MORC3: variants seen among roughly 807,000 people sequenced by gnomAD.
The protein encoded by MORC3 is MORC family CW-type zinc finger 3.
Under a neutral mutation model 109.1 loss-of-function variants are expected in MORC3, and 31 were observed. That is an observed-to-expected ratio of 0.28 (90% CI 0.21 to 0.38). The LOEUF (loss-of-function observed/expected upper bound fraction) is 0.38, where lower values mean the gene tolerates loss of function less well. Ranked by LOEUF, MORC3 falls within the 10% of genes least tolerant of loss-of-function variation. The pLI is 1.00. For missense variants in MORC3, 867 were observed against 1,135.8 expected, an observed-to-expected ratio of 0.76 and a Z score of 3.40; for synonymous variants, 395 against 380.7, an observed-to-expected ratio of 1.04 and a Z score of -0.44.
At position 36,356,635 on chromosome 21, in the gene MORC3, A is replaced by G. The variant is rs2085648808; in HGVS notation, c.1119A>G (p.Ala373=). The part of the protein sequence containing the change: ...YTNEYRLTIT[A]LGEKLNDYWN... Reference sequence around the variant, plus strand: ...ACTTTTTAAGACTTACAATAACAGCACTAGGAGAAAAGCTGAATGATTACT... The same window carrying G: ...ACTTTTTAAGACTTACAATAACAGCGCTAGGAGAAAAGCTGAATGATTACT... Residue 373 remains alanine, a synonymous_variant, in exon 10 of 17, where the codon GCA becomes GCG. Transcript: ENST00000400485. The G allele has an allele frequency of 6.3e-7, 1 of 1,596,946 alleles. No homozygotes were observed. Among genetic ancestry groups the G allele is most frequent in the Non-Finnish European group, 8.5e-7 (1 of 1,173,498 alleles).
chr21:36,354,752 CTAA>C (rs2085625999), intron 9 of MORC3, among the ~76,000 whole-genome samples: 1 of 152,208 alleles, frequency 6.6e-6, no homozygotes, highest in South Asian at 2.1e-4. Context: ...TCTGGATTGT[CTAA>C]TGTCAGTTTG....
At position 36,324,278 on chromosome 21, in the gene MORC3, G is replaced by GT. The variant is rs56818491; in HGVS notation, c.39+3989dup. Among the ~76,000 whole-genome samples, 1,225 of 143,116 alleles carry GT rather than the reference G, an allele frequency of 8.6e-3. 2 individuals carry two copies. Among genetic ancestry groups the GT allele is most frequent in the African/African-American group, 0.012 (481 of 39,304 alleles). The allele number at this position is 143,116 out of a possible 152,430, so 93.9% of individuals were successfully genotyped here. ...CTTATTGCTAGATACATTAACTGTA[G>GT]TTTTTTTTTTTTTTGAGATGGAGTC... On this transcript the variant is annotated intron_variant, in intron 1 of 16. Coordinates refer to ENST00000400485, the MANE Select transcript of MORC3 (RefSeq NM_015358.3).
chr21:36,330,168 A>G (rs2085299152), intron 1 of MORC3, among the ~76,000 whole-genome samples: 1 of 151,010 alleles, frequency 6.6e-6, no homozygotes. Flanking sequence ...GTCCTGAGCC[A>G]CCGCACCTGG....
chr21:36,375,085 T>G (rs2054538486), intron 16 of MORC3, 58 bp from the exon 17 acceptor site: 9 of 1,487,790 alleles, frequency 6.0e-6, no homozygotes, highest in African/African-American at 1.4e-5. Context: ...CTTTTTAAGG[T>G]CTACATGAAT....
intron 1 of MORC3, 98 bp downstream of exon 1, chr21:36,320,401 A>C: frequency 3.1e-5 from 35 of 1,132,030 alleles, no homozygotes; most frequent in South Asian, 7.1e-5. Flanking sequence ...TGTGGGGCCG[A>C]CGCGGCGGCG....
rs1361206395 is a variant in MORC3, at chr21:36,370,635, A to ATTTT, written c.2508+760_2508+761insTTTT. On this transcript the variant is annotated intron_variant, in intron 15 of 16. Transcript: ENST00000400485. Reference sequence around the variant, plus strand: ...TACATATATATATATATATATATATATATATTTTTTTTTTTTTTTTTTTTT... The same window carrying ATTTT: ...TACATATATATATATATATATATATATTTTTATATTTTTTTTTTTTTTTTTTTTT... Among the ~76,000 whole-genome samples, 23 of 42,002 alleles carry ATTTT rather than the reference A, an allele frequency of 5.5e-4. 1 individual carries two copies. Among genetic ancestry groups the ATTTT allele is most frequent in the Non-Finnish European group, 8.5e-4 (19 of 22,426 alleles). 27.6% of individuals were successfully genotyped at this position (42,002 alleles called of 152,430 possible).
At chr21:36,343,889 T>TA (rs748247949) in intron 6 of MORC3, among the ~76,000 whole-genome samples, 2 of 152,074 alleles carry the variant, frequency 1.3e-5, no homozygotes, top group African/African-American at 2.4e-5. Context: ...ATAGTAGTAT[T>TA]ACTATTTACT....
At chr21:36,333,585 TG>T in intron 1 of MORC3, 60 bp from the exon 2 acceptor site, 2 of 1,360,184 alleles carry the variant, frequency 1.5e-6, no homozygotes, top group South Asian at 2.4e-5. Flanking sequence ...ATAAAAATAC[TG>T]GTTTTTATTT....
intron 16 of MORC3, among the ~76,000 whole-genome samples, chr21:36,373,233 G>C (rs1268033001): frequency 6.6e-6 from 1 of 151,928 alleles, no homozygotes; most frequent in African/African-American, 2.4e-5. Context: ...CCAGCTACTC[G>C]GGAGGCTCAG....
intron 8 of MORC3, among the ~76,000 whole-genome samples, chr21:36,347,697 T>G (rs2085524984): frequency 1.3e-5 from 2 of 152,146 alleles, no homozygotes; most frequent in Admixed American, 1.3e-4. Flanking sequence ...AAAGGCTTCT[T>G]AGAGAAAGTG....
chr21:36,362,506 G>T (rs1186894870), intron 13 of MORC3, among the ~76,000 whole-genome samples: 1 of 151,896 alleles, frequency 6.6e-6, no homozygotes, highest in Non-Finnish European at 1.5e-5. Flanking sequence ...TGGTACCATT[G>T]CACTGCGGTC....
chr21:36,362,152 T>G (rs201931737), intron 12 of MORC3, 31 bp from the exon 13 acceptor site: 1 of 1,607,156 alleles, frequency 6.2e-7, no homozygotes, highest in Non-Finnish European at 8.5e-7. Flanking sequence ...GATTGAGAAA[T>G]AACAACATGT....
At chr21:36,330,136 A>G (rs547755783) in intron 1 of MORC3, among the ~76,000 whole-genome samples, 1 of 152,104 alleles carries the variant, frequency 6.6e-6, no homozygotes, top group Non-Finnish European at 1.5e-5. Flanking sequence ...CGCTGGGATT[A>G]CAGGTGTGAG....
intron 1 of MORC3, among the ~76,000 whole-genome samples, chr21:36,327,320 C>G (rs759788100): frequency 9.3e-5 from 14 of 150,798 alleles, no homozygotes; most frequent in Admixed American, 3.3e-4. Context: ...CCACACCTGG[C>G]TAATTTTTTT....
At chr21:36,368,793 C>T (rs1361196954) in intron 14 of MORC3, among the ~76,000 whole-genome samples, 195 bp from the exon 15 acceptor site, 1 of 152,196 alleles carries the variant, frequency 6.6e-6, no homozygotes, top group Non-Finnish European at 1.5e-5. Context: ...AGGAGAATCA[C>T]TTGAACCTGG....
At chr21:36,320,469 C>A in intron 1 of MORC3, 166 bp downstream of exon 1, 1 of 589,608 alleles carries the variant, frequency 1.7e-6, no homozygotes, top group Non-Finnish European at 2.4e-6. Context: ...GGCGGAACAG[C>A]TCGGCTGCGG....
At chr21:36,365,051 CAAAAAAA>C (rs72445251) in intron 14 of MORC3, among the ~76,000 whole-genome samples, 2 of 94,400 alleles carry the variant, frequency 2.1e-5, no homozygotes, top group Admixed American at 2.6e-4. Flanking sequence ...GACTCCATCT[CAAAAAAA>C]AAAAAAAAAA....
chr21:36,343,498 G>T (rs1236901290), intron 6 of MORC3, among the ~76,000 whole-genome samples: 1 of 150,030 alleles, frequency 6.7e-6, no homozygotes, highest in Non-Finnish European at 1.5e-5. Flanking sequence ...GCCTAGGCTG[G>T]AGTGCAGTGG....
chr21:36,348,639 C>A (rs1326251689), intron 8 of MORC3, among the ~76,000 whole-genome samples: 1 of 152,154 alleles, frequency 6.6e-6, no homozygotes, highest in Non-Finnish European at 1.5e-5. Flanking sequence ...GAACTCCTGA[C>A]CTCAGGTGAT....
Sources: allele counts gnomAD v4.1 joint callset (sites outside exome capture counted in the v4.1 genomes callset), GRCh38; gene constraint gnomAD v4.1.1; transcripts MANE v1.5; gene names NCBI Gene and HGNC (gene_info 2026-07-23, HGNC 2026-07-21).